The following SYN3 variants were observed in gnomAD, a reference collection of about 807,000 sequenced individuals.
SYN3 encodes the protein synapsin III, also known as synapsin-3.
SYN3 carries 35 observed loss-of-function variants against 65.8 expected under a neutral mutation model. The ratio of observed to expected loss-of-function variants is 0.53; its 90% CI spans 0.41 to 0.70. SYN3 has a LOEUF of 0.70. Among genes scored for constraint, SYN3 ranks in the 30% least tolerant of loss-of-function variants. SYN3 has a pLI of 0.00. For missense variants in SYN3, 680 were observed against 749.0 expected, an observed-to-expected ratio of 0.91 and a Z score of 1.08; for synonymous variants, 270 against 292.9, an observed-to-expected ratio of 0.92 and a Z score of 0.80.
chr22:32,925,774 G>A (rs976142041), intron 4 of SYN3, among the ~76,000 whole-genome samples: 4 of 151,814 alleles, frequency 2.6e-5, no homozygotes, highest in African/African-American at 4.8e-5. Context: ...AGTGCAATAC[G>A]TCTGGGACAC....
intron 7 of SYN3, among the ~76,000 whole-genome samples, chr22:32,563,079 C>T (rs973770210): frequency 6.6e-6 from 1 of 152,250 alleles, no homozygotes; most frequent in African/African-American, 2.4e-5. Flanking sequence ...GAGCATGTGG[C>T]TTTCAGTTCT....
chr22:32,831,472 T>C (rs780150487), intron 6 of SYN3, among the ~76,000 whole-genome samples: 3 of 152,150 alleles, frequency 2.0e-5, no homozygotes, highest in Non-Finnish European at 2.9e-5. Flanking sequence ...TTCATCTTCA[T>C]GGCTGTGCAC....
In SYN3 at chr22:32,946,711, A is replaced by G. The variant is rs1274045558; in HGVS notation, c.370-15230T>C. Among the ~76,000 whole-genome samples the G allele has an allele frequency of 2.0e-5, 3 of 152,082 alleles. 1 individual carries two copies. The highest frequency in any genetic ancestry group is 4.1e-4 in the South Asian group (2 of 4,828). ...ATAATAAAAAAAACTTTTTTCCCTT[A>G]TTTTTAACAGAAAAAAAGACCCCAT... On this transcript the variant is annotated intron_variant, in intron 3 of 13. Coordinates refer to ENST00000358763, the MANE Select transcript of SYN3 (RefSeq NM_003490.4).
chr22:32,758,824 T>C lies in SYN3; in HGVS notation c.711+106091A>G, dbSNP rs906892899. Among the ~76,000 whole-genome samples the C allele has an allele frequency of 3.3e-5, 5 of 150,968 alleles. No homozygotes were observed. The East Asian group carries it at 9.8e-4, about 29-fold the overall frequency. On this transcript the variant is annotated intron_variant, in intron 6 of 13. Transcript: ENST00000358763. ...AATTATAAATGACTTTTCACCTATA[T>C]GGTGTCTGGTAGGACCAAATCCAAC...
In SYN3 at chr22:32,859,328, G is replaced by A. The variant is rs142288050; in HGVS notation, c.711+5587C>T. ...AAGGGCGGCTACTGCAGCTGGTACC[G>A]AGGATGGGCCCCCCCGGATAAAAGC... On this transcript the variant is annotated intron_variant, in intron 6 of 13. Transcript: ENST00000358763. 1.1e-4 allele frequency: 177 copies of A among 1,613,744 alleles called. No individual in the cohort carries two copies. Among genetic ancestry groups the A allele is most frequent in the South Asian group, 5.7e-4 (52 of 91,078 alleles).
rs117488077 is a variant in SYN3, at chr22:32,984,316, C to T, written c.312-3614G>A. 6.1e-3 allele frequency among the ~76,000 whole-genome samples: 933 copies of T among 152,334 alleles called. 7 individuals are homozygous for T. Among genetic ancestry groups the T allele is most frequent in the Non-Finnish European group, 8.9e-3 (607 of 68,036 alleles). On this transcript the variant is annotated intron_variant, in intron 2 of 13. Transcript: ENST00000358763. ...AGAATTCTTTGCACTCTACCCAGCA[C>T]GTGGCAGCACAAGGATTGCCAGCTC...
chr22:32,863,574 T>C (rs947685493), intron 6 of SYN3, among the ~76,000 whole-genome samples: 2 of 152,184 alleles, frequency 1.3e-5, no homozygotes, highest in Admixed American at 6.5e-5. Flanking sequence ...GGCCTCTCAC[T>C]GTCAATGGGC....
intron 6 of SYN3, among the ~76,000 whole-genome samples, chr22:32,704,964 G>A (rs941223055): frequency 6.6e-6 from 1 of 152,154 alleles, no homozygotes; most frequent in African/African-American, 2.4e-5. Context: ...ACCTTTGTCA[G>A]GTGCATAGTT....
At position 32,907,349 on chromosome 22, in the gene SYN3, C is replaced by CT. The variant is rs201908097; in HGVS notation, c.461+24040dup. Reference sequence around the variant, plus strand: ...GGGCCAGAACATGGACCCAGGCAGTCTGATTCCCAAGCTTGACCTCTAAAC... The same window carrying CT: ...GGGCCAGAACATGGACCCAGGCAGTCTTGATTCCCAAGCTTGACCTCTAAAC... On this transcript the variant is annotated intron_variant, in intron 4 of 13. Transcript: ENST00000358763. 3.9e-4 allele frequency among the ~76,000 whole-genome samples: 59 copies of CT among 152,322 alleles called. 1 individual carries two copies. The East Asian group carries it at 0.011, about 27-fold the overall frequency.
At chr22:32,780,983 T>TTCCTTTCCTTCCC (rs2046041065) in intron 6 of SYN3, among the ~76,000 whole-genome samples, 1 of 78,136 alleles carries the variant, frequency 1.3e-5, no homozygotes, top group South Asian at 6.2e-4. Context: ...CCTTCCCTCC[T>TTCCTTTCCTTCCC]TCCTTCCTCT....
chr22:32,894,700 C>T (rs1260227049), intron 4 of SYN3, among the ~76,000 whole-genome samples: 1 of 152,154 alleles, frequency 6.6e-6, no homozygotes, highest in East Asian at 1.9e-4. Flanking sequence ...TCTGATTAAA[C>T]GTTATTCTGG....
chr22:32,621,395 C>G (rs1452146717), intron 6 of SYN3, among the ~76,000 whole-genome samples: 1 of 151,696 alleles, frequency 6.6e-6, no homozygotes, highest in East Asian at 1.9e-4. Context: ...AACGTATGCT[C>G]CAATTTTACC....
At chr22:32,637,636 T>TC (rs2059836147) in intron 6 of SYN3, among the ~76,000 whole-genome samples, 1 of 79,574 alleles carries the variant, frequency 1.3e-5, no homozygotes, top group East Asian at 2.2e-4. Context: ...TTTTCTTTTT[T>TC]TTTTTTTTTT....
At chr22:32,591,223 T>C (rs1259586106) in intron 7 of SYN3, among the ~76,000 whole-genome samples, 4 of 151,714 alleles carry the variant, frequency 2.6e-5, no homozygotes, top group African/African-American at 9.7e-5. Context: ...GACGGAGACA[T>C]ATGGCTGCAT....
At chr22:32,700,293 T>C (rs1269652567) in intron 6 of SYN3, among the ~76,000 whole-genome samples, 2 of 152,172 alleles carry the variant, frequency 1.3e-5, no homozygotes, top group African/African-American at 4.8e-5. Flanking sequence ...TTTGCCCAAG[T>C]AGCCCAAGCC....
chr22:32,786,387 T>TC (rs1217659453), intron 6 of SYN3, among the ~76,000 whole-genome samples: 4 of 151,642 alleles, frequency 2.6e-5, no homozygotes, highest in Non-Finnish European at 5.9e-5. Context: ...ACTTATTCTT[T>TC]TTTTTTTTTT....
At chr22:32,860,750 T>G (rs1487761603) in intron 6 of SYN3, 3 of 152,076 alleles carry the variant, frequency 2.0e-5, no homozygotes, top group Non-Finnish European at 4.4e-5. Context: ...CTGCCTGCCT[T>G]GGCTGGAGGG....
intron 8 of SYN3, among the ~76,000 whole-genome samples, chr22:32,538,727 CT>C (rs11341975): frequency 0.64 from 97,876 of 151,884 alleles, 31,666 homozygotes; most frequent in East Asian, 0.9. Context: ...CCTGCTCATC[CT>C]TCAGGTTTCA....
At chr22:32,845,485 C>T (rs905509891) in intron 6 of SYN3, among the ~76,000 whole-genome samples, 3 of 152,146 alleles carry the variant, frequency 2.0e-5, no homozygotes, top group Admixed American at 6.5e-5. Flanking sequence ...CCTCCACACC[C>T]GGCCAGCCAT....
Sources: gnomAD v4.1 joint callset for allele counts (sites outside exome capture counted in the v4.1 genomes callset) on GRCh38, gnomAD v4.1.1 for gene constraint, MANE v1.5 for transcripts, NCBI Gene and HGNC (gene_info 2026-07-23, HGNC 2026-07-21) for gene names.